The following ARL14EPL variants were observed in gnomAD, a reference collection of about 807,000 sequenced individuals.
The protein encoded by ARL14EPL is ARL14 effector protein-like.
Under a neutral mutation model 15.9 loss-of-function variants are expected in ARL14EPL, and 17 were observed. The observed-to-expected ratio is 1.07, with a 90% CI of 0.73 to 1.60. The LOEUF (loss-of-function observed/expected upper bound fraction) is 1.60. ARL14EPL is among the 40% of genes most tolerant of loss of function. ARL14EPL has a pLI of 0.00. For missense variants in ARL14EPL, 214 were observed against 185.9 expected (o/e 1.15, Z -0.88); for synonymous variants, 78 against 63.8 (o/e 1.22, Z -1.06).
At chr5:116,035,161 C>T (rs1487353007) in intron 1 of ARL14EPL, among the ~76,000 whole-genome samples, 1 of 152,126 alleles carries the variant, frequency 6.6e-6, no homozygotes, top group East Asian at 1.9e-4. Flanking sequence ...TTACAGCTGC[C>T]TTAGAAGTTT....
At chr5:116,037,329 T>G (rs1487827311) in intron 1 of ARL14EPL, among the ~76,000 whole-genome samples, 21 of 152,250 alleles carry the variant, frequency 1.4e-4, no homozygotes, top group Admixed American at 1.4e-3. Flanking sequence ...GACACACAGC[T>G]TGTCCACTTT....
intron 1 of ARL14EPL, among the ~76,000 whole-genome samples, chr5:116,043,708 A>C (rs1413438308): frequency 2.0e-5 from 3 of 152,136 alleles, no homozygotes; most frequent in Admixed American, 6.6e-5. Context: ...GCCGTGGTGC[A>C]CTGTTATTTC....
At chr5:116,058,620 G>A (rs6880244) in intron 3 of ARL14EPL, 105 bp from the exon 4 acceptor site, 12 of 1,095,004 alleles carry the variant, frequency 1.1e-5, no homozygotes, top group South Asian at 6.0e-5. Context: ...GGAGTTCTGG[G>A]TCAGGGTAAA....
intron 1 of ARL14EPL, among the ~76,000 whole-genome samples, chr5:116,048,454 A>G (rs1231063010): frequency 6.6e-6 from 1 of 152,156 alleles, no homozygotes; most frequent in East Asian, 1.9e-4. Context: ...AGACAGTGAT[A>G]TCTATGGACC....
intron 1 of ARL14EPL, among the ~76,000 whole-genome samples, chr5:116,042,791 G>C (rs1450282564): frequency 2.0e-5 from 3 of 152,116 alleles, no homozygotes; most frequent in Non-Finnish European, 2.9e-5. Flanking sequence ...ATATCATATA[G>C]AACTTCTTAA....
intron 1 of ARL14EPL, among the ~76,000 whole-genome samples, chr5:116,033,918 A>G (rs564234439): frequency 2.0e-5 from 3 of 152,332 alleles, no homozygotes; most frequent in Admixed American, 2.0e-4. Context: ...TTTGATTGCC[A>G]TGGAAAAGAA....
rs1426882545 is a variant in ARL14EPL at position 116,054,023 on chromosome 5, G to C, written c.106G>C (p.Glu36Gln). Residue 36 changes from glutamate (E) to glutamine (Q), a missense_variant, in exon 3 of 4, where the codon GAG (glutamate) becomes CAG (glutamine). Glu to Gln is a conservative substitution (Grantham distance 29). Coordinates refer to ENST00000686077, the MANE Select transcript of ARL14EPL (RefSeq NM_001195581.2). ...QIGQKQLQQI[E>Q]RQLKCLAFRN... is the part of the protein sequence containing the mutation. ...TTTATTTGTTTAATAGCAACAAATA[G>C]AGCGGCAGTTAAAATGCTTGGCATT... The C allele has an allele frequency of 4.6e-6, 7 of 1,534,430 alleles. No homozygotes were observed. The highest frequency in any genetic ancestry group is 3.9e-5 in the Admixed American group (2 of 50,780).
intron 1 of ARL14EPL, among the ~76,000 whole-genome samples, chr5:116,039,747 G>A (rs527723554): frequency 6.6e-6 from 1 of 151,936 alleles, no homozygotes; most frequent in South Asian, 2.1e-4. Context: ...TGAGAGAAAA[G>A]GTACAAATAA....
intron 1 of ARL14EPL, among the ~76,000 whole-genome samples, chr5:116,039,172 G>A (rs563341266): frequency 2.0e-5 from 3 of 152,240 alleles, no homozygotes; most frequent in East Asian, 1.9e-4. Context: ...GTCAGGTCCC[G>A]AACAGGGTTT....
intron 1 of ARL14EPL, among the ~76,000 whole-genome samples, chr5:116,045,745 A>AGAGTGTGT (rs1402557854): frequency 1.9e-4 from 29 of 148,742 alleles, no homozygotes; most frequent in African/African-American, 6.7e-4. Flanking sequence ...GACCCACAGA[A>AGAGTGTGT]GTGTGTGTGT....
Position 116,041,329 on chromosome 5 carries a change from A to G in ARL14EPL, c.-10+8824A>G, listed in dbSNP as rs576847266. Among the ~76,000 whole-genome samples, 6 of 152,330 alleles carry G rather than the reference A, an allele frequency of 3.9e-5. No individual in the cohort carries two copies. In the South Asian group the frequency reaches 1.0e-3, roughly 26 times the overall value. ...TATTATTATTTTTCAATATGTAAAA[A>G]TATATGTATTTATTTACTGGCATAT... On this transcript the variant is annotated intron_variant, in intron 1 of 3. Transcript: ENST00000686077.
At chr5:116,047,559 C>T (rs1333836232) in intron 1 of ARL14EPL, among the ~76,000 whole-genome samples, 3 of 152,198 alleles carry the variant, frequency 2.0e-5, no homozygotes, top group Non-Finnish European at 4.4e-5. Context: ...CTGTGTAGAA[C>T]TATGATTGGC....
Position 116,058,986 on chromosome 5 carries a change from C to A in ARL14EPL, c.*39C>A. The A allele has an allele frequency of 1.3e-6, 2 of 1,515,088 alleles. No individual in the cohort carries two copies. The highest frequency in any genetic ancestry group is 8.9e-7 in the Non-Finnish European group (1 of 1,128,414). 93.9% of individuals were successfully genotyped at this position (1,515,088 alleles called of 1,614,324 possible). A position where few individuals can be genotyped will look rare whatever the true frequency, so the allele number is the denominator to read the frequency against. ...TGGACTGATTTGTTTCTTCTTCTTA[C>A]ACATTTAAGTTGACCTCTTTCTTTT... is the stretch of plus-strand genomic sequence containing the variant. On this transcript the variant is annotated 3_prime_UTR_variant, in exon 4 of 4. Coordinates refer to ENST00000686077, the MANE Select transcript of ARL14EPL (RefSeq NM_001195581.2).
chr5:116,044,877 A>G lies in ARL14EPL; in HGVS notation c.-9-6580A>G, dbSNP rs1749235109. 3.9e-5 allele frequency among the ~76,000 whole-genome samples: 6 copies of G among 152,318 alleles called. No individual in the cohort carries two copies. The South Asian group carries it at 1.2e-3, about 32-fold the overall frequency. On this transcript the variant is annotated intron_variant, in intron 1 of 3. Transcript: ENST00000686077. ...GTTCTATGGTTTCTCAGCAAAACAA[A>G]GGAAAGAAGGCAGTACAGTTTTCCT...
At chr5:116,052,313 C>A in intron 2 of ARL14EPL, 1 of 1,096,642 alleles carries the variant, frequency 9.1e-7, no homozygotes, top group Non-Finnish European at 1.4e-6. Flanking sequence ...GCAGCAGACA[C>A]CGCAGCCTTG....
At chr5:116,046,370 T>C (rs1024519709) in intron 1 of ARL14EPL, among the ~76,000 whole-genome samples, 1 of 152,164 alleles carries the variant, frequency 6.6e-6, no homozygotes, top group Non-Finnish European at 1.5e-5. Flanking sequence ...CTCTACCCCA[T>C]GCAAGACACA....
chr5:116,059,084 C>G lies in ARL14EPL; in HGVS notation c.*137C>G. 1 of 809,800 alleles carries G rather than the reference C, an allele frequency of 1.2e-6. No individual in the cohort carries two copies. Among genetic ancestry groups the G allele is most frequent in the Non-Finnish European group, 1.9e-6 (1 of 517,796 alleles). 50.2% of individuals were successfully genotyped at this position (809,800 alleles called of 1,614,324 possible). Reference sequence around the variant, plus strand: ...ACTCATGTTCTGTCAAGCCCCAGAACAATGTAGAATGGGCAATAATTCTGT... The same window carrying G: ...ACTCATGTTCTGTCAAGCCCCAGAAGAATGTAGAATGGGCAATAATTCTGT... On this transcript the variant is annotated 3_prime_UTR_variant, in exon 4 of 4. Coordinates refer to ENST00000686077, the MANE Select transcript of ARL14EPL (RefSeq NM_001195581.2).
intron 1 of ARL14EPL, among the ~76,000 whole-genome samples, chr5:116,034,076 A>G (rs1376493616): frequency 2.6e-5 from 4 of 152,228 alleles, no homozygotes; most frequent in Non-Finnish European, 4.4e-5. Context: ...GACTCTCAGG[A>G]TTCACAGATA....
intron 1 of ARL14EPL, among the ~76,000 whole-genome samples, chr5:116,042,167 CA>C (rs931246549): frequency 6.6e-6 from 1 of 152,136 alleles, no homozygotes; most frequent in Non-Finnish European, 1.5e-5. Context: ...CCAGGGACAG[CA>C]CACTAGTCCC....
Sources: gnomAD v4.1 joint callset for allele counts (sites outside exome capture counted in the v4.1 genomes callset) on GRCh38, gnomAD v4.1.1 for gene constraint, MANE v1.5 for transcripts, NCBI Gene and HGNC (gene_info 2026-07-23, HGNC 2026-07-21) for gene names.